Variants in HNRNPUL1 observed in about 807,000 individuals in gnomAD.
The protein encoded by HNRNPUL1 is heterogeneous nuclear ribonucleoprotein U-like protein 1.
Under a neutral mutation model 108.5 loss-of-function variants are expected in HNRNPUL1, and 14 were observed. The observed-to-expected ratio is 0.13, with a 90% CI of 0.09 to 0.20. The LOEUF (loss-of-function observed/expected upper bound fraction) is 0.20. Among genes scored for constraint, HNRNPUL1 ranks in the 10% least tolerant of loss-of-function variants. The probability of loss-of-function intolerance (pLI) is 1.00; values close to 1 mark genes in which losing one functional copy is unlikely to be tolerated. For synonymous variants in HNRNPUL1, 422 were observed against 445.2 expected (o/e 0.95, Z 0.66); for missense variants, 804 against 1,168.3 (o/e 0.69, Z 4.55).
chr19:41,303,039 T>C (rs2037328972), intron 12 of HNRNPUL1, 90 bp downstream of exon 12: 2 of 1,383,404 alleles, frequency 1.4e-6, no homozygotes, highest in South Asian at 3.1e-5. Flanking sequence ...ACTGAAGTTT[T>C]CTGAGCTCCA....
chr19:41,286,574 A>G (rs1013600595), intron 7 of HNRNPUL1: 6 of 152,136 alleles, frequency 3.9e-5, no homozygotes, highest in African/African-American at 1.4e-4. Flanking sequence ...AGGTCACCAT[A>G]TCAATGCCGA....
chr19:41,297,764 C>T (rs934049179), intron 10 of HNRNPUL1, among the ~76,000 whole-genome samples: 3 of 152,196 alleles, frequency 2.0e-5, no homozygotes, highest in East Asian at 1.9e-4. Flanking sequence ...GATGGGTTGA[C>T]GTCACAGTCA....
Position 41,271,388 on chromosome 19 carries a change from A to G in HNRNPUL1, c.419-694A>G, listed in dbSNP as rs538754276. Among the ~76,000 whole-genome samples the G allele has an allele frequency of 1.1e-4, 17 of 152,314 alleles. No homozygotes were observed. In the South Asian group the frequency reaches 3.5e-3, roughly 32 times the overall value. Reference sequence around the variant, plus strand: ...GAAGCTCTCTTCAGGATGGCTGAGCACCATCCCAGCCCTAGAGAACCAGGA... The same window carrying G: ...GAAGCTCTCTTCAGGATGGCTGAGCGCCATCCCAGCCCTAGAGAACCAGGA... On this transcript the variant is annotated intron_variant, in intron 2 of 14. Coordinates refer to ENST00000392006, the MANE Select transcript of HNRNPUL1 (RefSeq NM_007040.6).
In HNRNPUL1 at chr19:41,294,191, C is replaced by T; in HGVS notation, c.1267-147C>T. ...AGCCTGATCTTTTTGAATCCCGATACCAGTACTGTGAGGTAGATGGTATTA... is the reference window on the plus strand; with the variant it reads ...AGCCTGATCTTTTTGAATCCCGATATCAGTACTGTGAGGTAGATGGTATTA... On this transcript the variant is annotated intron_variant, in intron 8 of 14. Transcript: ENST00000392006. This position sits in a 1 kb window ranked among gnomAD's most constrained non-coding sequence, Gnocchi z 4.3. 1.2e-6 allele frequency: 1 copy of T among 802,946 alleles called. No homozygotes were observed. Among genetic ancestry groups the T allele is most frequent in the Non-Finnish European group, 2.0e-6 (1 of 500,402 alleles). 49.7% of individuals were successfully genotyped at this position (802,946 alleles called of 1,614,324 possible). A position where few individuals can be genotyped will look rare whatever the true frequency, so the allele number is the denominator to read the frequency against.
intron 4 of HNRNPUL1, among the ~76,000 whole-genome samples, chr19:41,274,636 G>A (rs1360353648): frequency 6.6e-6 from 1 of 152,080 alleles, no homozygotes; most frequent in East Asian, 1.9e-4. Flanking sequence ...AGGTCCTTTC[G>A]CTCAGACCTC....
chr19:41,293,266 T>G (rs1373238095), intron 8 of HNRNPUL1, among the ~76,000 whole-genome samples: 3 of 152,162 alleles, frequency 2.0e-5, no homozygotes, highest in Non-Finnish European at 4.4e-5. Flanking sequence ...ACTTGCAGAG[T>G]TTTGGAGTTC....
intron 4 of HNRNPUL1, 146 bp downstream of exon 4, chr19:41,274,201 G>A: frequency 1.4e-6 from 1 of 693,292 alleles, no homozygotes; most frequent in Non-Finnish European, 2.5e-6. Flanking sequence ...TGGAGCAAGA[G>A]TACTGGTTTG....
rs1255374231 is a variant in HNRNPUL1 at position 41,294,390 on chromosome 19, A to G, written c.1319A>G (p.Lys440Arg). 6.2e-7 allele frequency: 1 copy of G among 1,614,162 alleles called. No individual in the cohort carries two copies. Among genetic ancestry groups the G allele is most frequent in the Non-Finnish European group, 8.5e-7 (1 of 1,180,016 alleles). Residue 440 changes from lysine (K) to arginine (R), a missense_variant, in exon 9 of 15, where the codon AAA becomes AGA. Lys to Arg is a conservative substitution (Grantham distance 26). Transcript: ENST00000392006. This position sits in a 1 kb window ranked among gnomAD's most constrained non-coding sequence, Gnocchi z 4.3. ...GCTGGCAAGACCACATGGGCCATCAAACATGCAGCCTCCAACCCTTCCAAG... is the reference window on the plus strand; with the variant it reads ...GCTGGCAAGACCACATGGGCCATCAGACATGCAGCCTCCAACCCTTCCAAG... ...PAAGKTTWAI[K>R]HAASNPSKKY...
chr19:41,265,278 G>T, intron 1 of HNRNPUL1: 1 of 1,487,456 alleles, frequency 6.7e-7, no homozygotes, highest in Non-Finnish European at 9.0e-7. Flanking sequence ...GGGGCTGCGA[G>T]AGTTCTGAGG....
At chr19:41,297,291 T>G (rs2036948567) in intron 10 of HNRNPUL1, among the ~76,000 whole-genome samples, 1 of 152,168 alleles carries the variant, frequency 6.6e-6, no homozygotes, top group Non-Finnish European at 1.5e-5. Flanking sequence ...GGTGGGAATT[T>G]GGGGAAGCTT....
At chr19:41,303,675 T>C (rs1399732414) in intron 12 of HNRNPUL1, among the ~76,000 whole-genome samples, 3 of 152,080 alleles carry the variant, frequency 2.0e-5, no homozygotes, top group Non-Finnish European at 4.4e-5. Context: ...CTTGAGCATC[T>C]CCTTCCTGCA....
Position 41,268,313 on chromosome 19 carries a change from T to C in HNRNPUL1, c.386T>C (p.Leu129Pro), listed in dbSNP as rs148537090. The change falls in exon 2 of 15, where the codon CTG (leucine) becomes CCG (proline). Residue 129 changes from leucine to proline, a missense_variant. Leu to Pro is a moderately conservative substitution (Grantham distance 98, BLOSUM62 -3). Around this residue, in one of 4 missense-constraint regions of HNRNPUL1, gnomAD observed 256 missense variants for 261.6 expected, o/e 0.98. Coordinates refer to ENST00000392006, the MANE Select transcript of HNRNPUL1 (RefSeq NM_007040.6). Reference protein sequence around the residue: ...ENESGYERRPLEMEQQQAYRP... With the variant: ...ENESGYERRPPEMEQQQAYRP... ...GAGTCAGGCTACGAGAGGAGACCAC[T>C]GGAAATGGAGCAGCAGCAGGCCTAT... is the stretch of plus-strand genomic sequence containing the variant. 8.1e-6 allele frequency: 13 copies of C among 1,613,950 alleles called. No homozygotes were observed. The highest frequency in any genetic ancestry group is 1.7e-4 in the Middle Eastern group (1 of 6,060).
At chr19:41,270,409 T>A (rs77847205) in intron 2 of HNRNPUL1, among the ~76,000 whole-genome samples, 337 of 147,192 alleles carry the variant, frequency 2.3e-3, no homozygotes, top group African/African-American at 5.7e-3. Flanking sequence ...TCCAAAAAAA[T>A]TTTTTTTTTA....
rs2037405434 is a variant in HNRNPUL1, at chr19:41,304,150, C to T, written c.2151C>T (p.Tyr717=). The change falls in exon 13 of 15, where the codon TAC becomes TAT. Residue 717 remains tyrosine (Y), a synonymous_variant. Coordinates refer to ENST00000392006, the MANE Select transcript of HNRNPUL1 (RefSeq NM_007040.6). ...AGCAGCCACCGCCACCACCCAGCTA[C>T]AGCCCTGCTCGGAACCCCCCAGGGG... is the stretch of plus-strand genomic sequence containing the variant. ...PPQQPPPPPS[Y]SPARNPPGAS... is the part of the protein sequence containing the mutation. The T allele has an allele frequency of 6.2e-7, 1 of 1,614,208 alleles. No individual in the cohort carries two copies. The highest frequency in any genetic ancestry group is 8.5e-7 in the Non-Finnish European group (1 of 1,180,026).
intron 6 of HNRNPUL1, among the ~76,000 whole-genome samples, chr19:41,279,735 G>A (rs575738326): frequency 1.6e-4 from 25 of 152,270 alleles, no homozygotes; most frequent in African/African-American, 5.1e-4. Context: ...TCATACAAAC[G>A]TTCCAATTAT....
chr19:41,289,974 A>G (rs570918545), intron 7 of HNRNPUL1, among the ~76,000 whole-genome samples: 107 of 151,548 alleles, frequency 7.1e-4, no homozygotes, highest in South Asian at 4.0e-3. Context: ...GCCTCCCAAA[A>G]TGCTGGGATT....
intron 7 of HNRNPUL1, among the ~76,000 whole-genome samples, chr19:41,284,694 G>A (rs1352928699): frequency 6.6e-6 from 1 of 151,422 alleles, no homozygotes; most frequent in African/African-American, 2.4e-5. Context: ...TAGGTACAGA[G>A]TTGCTATAAG....
chr19:41,272,778 G>A (rs907642230), intron 3 of HNRNPUL1, among the ~76,000 whole-genome samples: 3 of 152,180 alleles, frequency 2.0e-5, no homozygotes, highest in African/African-American at 7.2e-5. Flanking sequence ...ATGCAGGTGA[G>A]TTTCAGGAGT....
At chr19:41,299,854 A>T (rs1352075466) in intron 10 of HNRNPUL1, among the ~76,000 whole-genome samples, 1 of 152,090 alleles carries the variant, frequency 6.6e-6, no homozygotes, top group Non-Finnish European at 1.5e-5. Context: ...TCAAGTCAAC[A>T]TGACAGTATA....
Sources: allele counts gnomAD v4.1 joint callset (sites outside exome capture counted in the v4.1 genomes callset), GRCh38; gene constraint gnomAD v4.1.1; regional missense constraint gnomAD v4.1.1; non-coding constraint Gnocchi (gnomAD v3.1); transcripts MANE v1.5; gene names NCBI Gene and HGNC (gene_info 2026-07-23, HGNC 2026-07-21).